The following CABIN1 variants were observed in gnomAD, a reference collection of about 807,000 sequenced individuals.
CABIN1 encodes calcineurin binding protein 1.
CABIN1 carries 133 observed loss-of-function variants against 227.7 expected under a neutral mutation model. That is an observed-to-expected ratio of 0.58 (90% CI 0.51 to 0.67). The LOEUF is 0.67. CABIN1 is among the 30% of genes least tolerant of loss of function. The pLI, the probability that CABIN1 is intolerant of heterozygous loss-of-function variation, is 0.00. For synonymous variants in CABIN1, 1,086 were observed against 1,155.1 expected (o/e 0.94, Z 1.21); for missense variants, 2,408 against 2,852.5 (o/e 0.84, Z 3.55).
At chr22:24,130,665 C>T (rs1473592631) in intron 28 of CABIN1, among the ~76,000 whole-genome samples, 2 of 152,162 alleles carry the variant, frequency 1.3e-5, no homozygotes, top group Non-Finnish European at 2.9e-5. Context: ...CCTACCCCAC[C>T]AGCCTGGCAC....
chr22:24,029,570 T>C (rs374656390), intron 1 of CABIN1, among the ~76,000 whole-genome samples: 2 of 149,526 alleles, frequency 1.3e-5, no homozygotes, highest in Non-Finnish European at 3.0e-5. Context: ...AAAAAAAAAA[T>C]GGTAGTTGCT....
chr22:24,146,902 G>A (rs1032464969), intron 29 of CABIN1, among the ~76,000 whole-genome samples: 1 of 152,186 alleles, frequency 6.6e-6, no homozygotes, highest in African/African-American at 2.4e-5. Flanking sequence ...TGCAGACAGC[G>A]CACTCATGAC....
intron 1 of CABIN1, among the ~76,000 whole-genome samples, chr22:24,012,376 A>G (rs1054992938): frequency 2.6e-5 from 4 of 152,318 alleles, no homozygotes; most frequent in African/African-American, 9.6e-5. Flanking sequence ...CGTGGGCTGT[A>G]CAAAAAGGGT....
chr22:24,165,541 G>A lies in CABIN1; in HGVS notation c.4922G>A (p.Arg1641Gln), dbSNP rs2046396857. Reference sequence around the variant, plus strand: ...CTGTATGACCGCAGGAAGTATCTGCGAGATGCTGACCGCCAGGTCCTGGCG... The same window carrying A: ...CTGTATGACCGCAGGAAGTATCTGCAAGATGCTGACCGCCAGGTCCTGGCG... ...RTPDQGKKYLRDADRQVLAQR... is the reference protein window; with the variant it reads ...RTPDQGKKYLQDADRQVLAQR... Residue 1641 changes from arginine to glutamine, a missense_variant, in exon 31 of 37, where the codon CGA becomes CAA. By Grantham distance (43) the Arg-to-Gln change is conservative. Transcript: ENST00000263119. 6.2e-7 allele frequency: 1 copy of A among 1,612,874 alleles called. No individual in the cohort carries two copies. The highest frequency in any genetic ancestry group is 8.5e-7 in the Non-Finnish European group (1 of 1,179,920).
intron 28 of CABIN1, among the ~76,000 whole-genome samples, chr22:24,133,167 G>A (rs1324570880): frequency 6.6e-6 from 1 of 152,164 alleles, no homozygotes; most frequent in Non-Finnish European, 1.5e-5. Context: ...TACAGCCACA[G>A]GGCCCTCCCT....
chr22:24,055,267 AT>A, intron 9 of CABIN1, 108 bp downstream of exon 9: 1 of 1,300,720 alleles, frequency 7.7e-7, no homozygotes, highest in Non-Finnish European at 1.1e-6. Context: ...GGTCATGCTG[AT>A]GCTCATGACT....
chr22:24,098,270 T>C (rs1237751666), intron 26 of CABIN1, 78 bp downstream of exon 26: 28 of 1,233,544 alleles, frequency 2.3e-5, no homozygotes, highest in African/African-American at 3.0e-5. Context: ...ACTCATTTTG[T>C]CGCTTCGTTT....
chr22:24,046,498 T>A (rs2037893095), intron 6 of CABIN1, among the ~76,000 whole-genome samples: 1 of 152,166 alleles, frequency 6.6e-6, no homozygotes. Flanking sequence ...TTTGGGACCA[T>A]CTTTGGGGTT....
intron 28 of CABIN1, among the ~76,000 whole-genome samples, chr22:24,121,627 T>C (rs2043417097): frequency 6.6e-6 from 1 of 152,156 alleles, no homozygotes; most frequent in Admixed American, 6.5e-5. Flanking sequence ...GCTGAAGCCG[T>C]CTTTGGGCCT....
At position 24,166,657 on chromosome 22, in the gene CABIN1, C is replaced by T. The variant is rs2046463558; in HGVS notation, c.5026C>T (p.Pro1676Ser). 6.2e-7 allele frequency: 1 copy of T among 1,612,720 alleles called. No individual in the cohort carries two copies. Among genetic ancestry groups the T allele is most frequent in the African/African-American group, 1.3e-5 (1 of 74,944 alleles). ...ELAEGSERPG[P>S]KVCGLPGARM... ...TTTGTAGGGGTCAGAACGCCCAGGG[C>T]CCAAGGTCTGTGGCCTCCCCGGAGC... Residue 1676 changes from proline to serine, a missense_variant, in exon 32 of 37, where the codon CCC becomes TCC. Transcript: ENST00000263119.
At chr22:24,062,634 C>T (rs1478316227) in intron 13 of CABIN1, among the ~76,000 whole-genome samples, 1 of 152,188 alleles carries the variant, frequency 6.6e-6, no homozygotes, top group Non-Finnish European at 1.5e-5. Flanking sequence ...GCTGGGATTA[C>T]AGGCATGAGC....
At chr22:24,135,662 C>T (rs562500103) in intron 29 of CABIN1, among the ~76,000 whole-genome samples, 1 of 152,356 alleles carries the variant, frequency 6.6e-6, no homozygotes, top group South Asian at 2.1e-4. Context: ...ATGGCCAGCT[C>T]CCAGCTGGAT....
At chr22:24,114,513 G>A (rs1255144967) in intron 27 of CABIN1, among the ~76,000 whole-genome samples, 1 of 152,238 alleles carries the variant, frequency 6.6e-6, no homozygotes, top group African/African-American at 2.4e-5. Context: ...TAGAAAAAAA[G>A]CACAATGACT....
At chr22:24,038,602 T>A in intron 4 of CABIN1, 141 bp downstream of exon 4, 1 of 685,388 alleles carries the variant, frequency 1.5e-6, no homozygotes, top group Admixed American at 2.0e-5. Flanking sequence ...CTGCCCCTAT[T>A]TCCCCACCTC....
chr22:24,084,142 T>C (rs2040989569), intron 20 of CABIN1, among the ~76,000 whole-genome samples: 1 of 152,216 alleles, frequency 6.6e-6, no homozygotes, highest in Non-Finnish European at 1.5e-5. Context: ...CCACGTGGGC[T>C]TATAGAGCGC....
chr22:24,079,254 A>G lies in CABIN1; in HGVS notation c.2748+2970A>G, dbSNP rs182868963. Among the ~76,000 whole-genome samples the G allele has an allele frequency of 1.2e-4, 19 of 152,340 alleles. No homozygotes were observed. In the East Asian group the frequency reaches 3.5e-3, roughly 28 times the overall value. On this transcript the variant is annotated intron_variant, in intron 19 of 36. Transcript: ENST00000263119. ...TCTGAAGCAAATCCTAGACATTTAT[A>G]TCAATTCATCTGTAAGTATTTGTTA...
At chr22:24,036,692 A>G (rs2070465) in intron 3 of CABIN1, among the ~76,000 whole-genome samples, 17,290 of 151,936 alleles carry the variant, frequency 0.11, 1,108 homozygotes, top group African/African-American at 0.16. Context: ...CCATCCATTC[A>G]TCTCCATACC....
At chr22:24,129,941 A>G (rs1387475108) in intron 28 of CABIN1, among the ~76,000 whole-genome samples, 2 of 152,218 alleles carry the variant, frequency 1.3e-5, no homozygotes, top group African/African-American at 4.8e-5. Flanking sequence ...GTGCAGCCCA[A>G]AGGCCTTTAA....
chr22:24,042,817 A>AGTGTGTGTGTGT lies in CABIN1; in HGVS notation c.346-87_346-86insGTGTGTGTGTGT, dbSNP rs1601747692. On this transcript the variant is annotated intron_variant, in intron 5 of 36. Transcript: ENST00000263119. ...GGGTGCATATTCAAGGAGAGATCTG[A>AGTGTGTGTGTGT]CTGTGTGTGTGTGTGTGTGTGTGTG... 2.3e-5 allele frequency: 13 copies of AGTGTGTGTGTGT among 577,630 alleles called. No individual in the cohort carries two copies. In the African/African-American group the frequency reaches 3.8e-4, roughly 17 times the overall value. 35.8% of individuals were successfully genotyped at this position (577,630 alleles called of 1,614,324 possible). A position where few individuals can be genotyped will look rare whatever the true frequency, so the allele number is the denominator to read the frequency against.
Sources: gnomAD v4.1 joint callset for allele counts (sites outside exome capture counted in the v4.1 genomes callset) on GRCh38, gnomAD v4.1.1 for gene constraint, MANE v1.5 for transcripts, NCBI Gene and HGNC (gene_info 2026-07-23, HGNC 2026-07-21) for gene names.